Variants in NCOA3 observed in about 807,000 individuals in gnomAD.
The protein encoded by NCOA3 is nuclear receptor coactivator 3.
A neutral mutation model predicts 158.8 loss-of-function variants in NCOA3; 51 were observed. The ratio of observed to expected loss-of-function variants is 0.32; its 90% CI spans 0.26 to 0.41. NCOA3 has a LOEUF of 0.41. Ranked by LOEUF, NCOA3 falls within the 10% of genes least tolerant of loss-of-function variation. The pLI is 1.00. For synonymous variants in NCOA3, 537 were observed against 592.4 expected, an observed-to-expected ratio of 0.91 and a Z score of 1.36; for missense variants, 1,510 against 1,746.6, an observed-to-expected ratio of 0.86 and a Z score of 2.41.
At chr20:47,587,900 G>A (rs1377542774) in intron 2 of NCOA3, among the ~76,000 whole-genome samples, 2 of 152,008 alleles carry the variant, frequency 1.3e-5, no homozygotes, top group East Asian at 3.9e-4. Context: ...TTATTATTAT[G>A]TGGGAATCCT....
At chr20:47,549,396 G>T (rs183819943) in intron 1 of NCOA3, among the ~76,000 whole-genome samples, 3 of 151,294 alleles carry the variant, frequency 2.0e-5, no homozygotes. Flanking sequence ...GCATGATGTG[G>T]TTAAAAAAAA....
intron 1 of NCOA3, among the ~76,000 whole-genome samples, chr20:47,560,338 A>G (rs1286930453): frequency 1.3e-5 from 2 of 152,166 alleles, no homozygotes. Context: ...TGTCTTCCCA[A>G]ATTGCTGGGA....
intron 4 of NCOA3, 35 bp from the exon 5 acceptor site, chr20:47,625,346 T>C: frequency 7.3e-7 from 1 of 1,376,630 alleles, no homozygotes; most frequent in Admixed American, 1.7e-5. Context: ...TAACTGATAG[T>C]GTGTTATTCG....
chr20:47,556,084 G>A (rs1338185520), intron 1 of NCOA3, among the ~76,000 whole-genome samples: 1 of 151,684 alleles, frequency 6.6e-6, no homozygotes, highest in Non-Finnish European at 1.5e-5. Context: ...ACAGGCATGT[G>A]CCACCATGCC....
chr20:47,577,481 A>G (rs2085390091), intron 1 of NCOA3, among the ~76,000 whole-genome samples: 1 of 152,166 alleles, frequency 6.6e-6, no homozygotes, highest in Non-Finnish European at 1.5e-5. Context: ...TTCTTTCCTT[A>G]TACTCTCATG....
At position 47,633,045 on chromosome 20, in the gene NCOA3, T is replaced by A. The variant is rs192187446; in HGVS notation, c.824-451T>A. ...CTCCCTCATGCCCCATTCCTGGAGG[T>A]TAGTAGATGGAACTACTAACAGAAA... On this transcript the variant is annotated intron_variant, in intron 8 of 22. Coordinates refer to ENST00000371998, the MANE Select transcript of NCOA3 (RefSeq NM_181659.3). Among the ~76,000 whole-genome samples the A allele has an allele frequency of 1.5e-3, 226 of 152,138 alleles. 2 individuals carry two copies. The highest frequency in any genetic ancestry group is 5.1e-3 in the African/African-American group (212 of 41,500).
chr20:47,542,028 T>TTTTTTTTTTTTGTTGTTG, intron 1 of NCOA3, among the ~76,000 whole-genome samples: 1 of 81,716 alleles, frequency 1.2e-5, no homozygotes, highest in Non-Finnish European at 2.5e-5. Context: ...TTTTTTTTTT[T>TTTTTTTTTTTTGTTGTTG]TTGTTGTTGT....
chr20:47,509,081 A>G (rs1467843900), intron 1 of NCOA3, among the ~76,000 whole-genome samples: 1 of 152,206 alleles, frequency 6.6e-6, no homozygotes, highest in Non-Finnish European at 1.5e-5. Flanking sequence ...GTGAAGTTAG[A>G]TGCAGCTTTC....
At chr20:47,611,612 C>T (rs556261801) in intron 2 of NCOA3, among the ~76,000 whole-genome samples, 60 of 152,010 alleles carry the variant, frequency 3.9e-4, no homozygotes, top group Non-Finnish European at 5.2e-4. Flanking sequence ...GCCAACATGG[C>T]GAAACCCCGA....
chr20:47,635,164 A>C (rs1282932472), intron 10 of NCOA3, among the ~76,000 whole-genome samples, 158 bp from the exon 11 acceptor site: 1 of 152,102 alleles, frequency 6.6e-6, no homozygotes, highest in Admixed American at 6.6e-5. Context: ...CCTGAGCTCA[A>C]GTGATCCTCC....
chr20:47,609,492 A>T (rs2086009893), intron 2 of NCOA3, among the ~76,000 whole-genome samples: 1 of 152,160 alleles, frequency 6.6e-6, no homozygotes, highest in Admixed American at 6.5e-5. Flanking sequence ...AAAGTTCTTT[A>T]AAGTTATGGA....
intron 1 of NCOA3, among the ~76,000 whole-genome samples, chr20:47,537,201 C>T (rs2084648106): frequency 6.6e-6 from 1 of 152,166 alleles, no homozygotes; most frequent in Non-Finnish European, 1.5e-5. Flanking sequence ...GAGTTCTCTA[C>T]ATTTCCTTGG....
At chr20:47,509,772 GA>G (rs1320644592) in intron 1 of NCOA3, among the ~76,000 whole-genome samples, 1 of 152,146 alleles carries the variant, frequency 6.6e-6, no homozygotes, top group African/African-American at 2.4e-5. Context: ...AATTTTATTT[GA>G]AAATGTTATA....
At chr20:47,584,477 G>A (rs748110536) in intron 2 of NCOA3, among the ~76,000 whole-genome samples, 2 of 152,030 alleles carry the variant, frequency 1.3e-5, no homozygotes, top group East Asian at 1.9e-4. Flanking sequence ...AAAATTAGCC[G>A]GGCATAGTGG....
Position 47,637,700 on chromosome 20 carries a change from C to T in NCOA3, c.2429C>T (p.Ser810Phe). 6.2e-7 allele frequency: 1 copy of T among 1,611,648 alleles called. No individual in the cohort carries two copies. The highest frequency in any genetic ancestry group is 8.5e-7 in the Non-Finnish European group (1 of 1,178,792). Reference protein sequence around the residue: ...LDAILGDLTSSDFYNNSISSN... With the variant: ...LDAILGDLTSFDFYNNSISSN... ...GCTATTCTTGGTGATCTGACTAGTTCTGACTTTTACAATAATTCCATATCC... is the reference window on the plus strand; with the variant it reads ...GCTATTCTTGGTGATCTGACTAGTTTTGACTTTTACAATAATTCCATATCC... The change falls in exon 13 of 23, where the codon TCT becomes TTT. Residue 810 changes from serine (S) to phenylalanine (F), a missense_variant. By Grantham distance (155) the Ser-to-Phe change is radical. Coordinates refer to ENST00000371998, the MANE Select transcript of NCOA3 (RefSeq NM_181659.3).
intron 4 of NCOA3, 103 bp from the exon 5 acceptor site, chr20:47,625,278 C>T: frequency 1.4e-6 from 1 of 701,572 alleles, no homozygotes; most frequent in South Asian, 1.7e-5. Flanking sequence ...TATGTATGGG[C>T]ATGTGCATGT....
chr20:47,656,684 ATTGAC>A lies in NCOA3; in HGVS notation c.*3270_*3274del, dbSNP rs2086881395. The A allele has an allele frequency of 6.6e-6, 1 of 152,618 alleles. No individual in the cohort carries two copies. The highest frequency in any genetic ancestry group is 2.4e-5 in the African/African-American group (1 of 41,442). The allele number at this position is 152,618 out of a possible 1,614,324, so 9.5% of individuals were successfully genotyped here. On this transcript the variant is annotated 3_prime_UTR_variant, in exon 23 of 23. Coordinates refer to ENST00000371998, the MANE Select transcript of NCOA3 (RefSeq NM_181659.3). ...GAGAGCAATATTTAAATTCTCAGGA[ATTGAC>A]TTATACTCTTGAGAATGAATTCAGT... is the stretch of plus-strand genomic sequence containing the variant.
In NCOA3 at chr20:47,573,918, G is replaced by A. The variant is rs1372258490; in HGVS notation, c.-98-9265G>A. Among the ~76,000 whole-genome samples the A allele has an allele frequency of 3.3e-5, 5 of 152,038 alleles. No homozygotes were observed. The South Asian group carries it at 1.0e-3, about 31-fold the overall frequency. Reference sequence around the variant, plus strand: ...GTCCTTTGCACATACAGAATGCTCCGTGGCCATTAAATAACAACCCTTTTC... The same window carrying A: ...GTCCTTTGCACATACAGAATGCTCCATGGCCATTAAATAACAACCCTTTTC... On this transcript the variant is annotated intron_variant, in intron 1 of 22. Coordinates refer to ENST00000371998, the MANE Select transcript of NCOA3 (RefSeq NM_181659.3).
At chr20:47,637,916 C>A in intron 13 of NCOA3, 133 bp downstream of exon 13, 1 of 784,092 alleles carries the variant, frequency 1.3e-6, no homozygotes, top group Non-Finnish European at 1.8e-6. Flanking sequence ...CCTCTGTTTT[C>A]TATACTAATT....
Sources: allele counts gnomAD v4.1 joint callset (sites outside exome capture counted in the v4.1 genomes callset), GRCh38; gene constraint gnomAD v4.1.1; transcripts MANE v1.5; gene names NCBI Gene and HGNC (gene_info 2026-07-23, HGNC 2026-07-21).